The following GPR149 variants were observed in gnomAD, a reference collection of about 807,000 sequenced individuals.
GPR149 encodes G protein-coupled receptor 149, also known as probable G protein-coupled receptor 149.
GPR149 carries 50 observed loss-of-function variants against 50.2 expected under a neutral mutation model. The ratio of observed to expected loss-of-function variants is 1.00; its 90% CI spans 0.79 to 1.26. The LOEUF (loss-of-function observed/expected upper bound fraction) is 1.26. Among genes scored for constraint, GPR149 ranks in the 50% most tolerant of loss-of-function variants. The pLI is 0.00. For missense variants in GPR149, 983 were observed against 895.4 expected (o/e 1.10, Z -1.25); for synonymous variants, 405 against 358.2 (o/e 1.13, Z -1.48).
At chr3:154,338,835 C>T (rs980207818) in intron 3 of GPR149, among the ~76,000 whole-genome samples, 5 of 152,010 alleles carry the variant, frequency 3.3e-5, no homozygotes, top group South Asian at 2.1e-4. Flanking sequence ...CTACAAAGAG[C>T]GTACTTTTCC....
rs192136771 is a variant in GPR149 at position 154,422,472 on chromosome 3, T to C, written c.1175-985A>G. Among the ~76,000 whole-genome samples the C allele has an allele frequency of 2.1e-3, 320 of 151,824 alleles. 1 individual carries two copies. The highest frequency in any genetic ancestry group is 7.1e-3 in the African/African-American group (293 of 41,544). On this transcript the variant is annotated intron_variant, in intron 2 of 3. Transcript: ENST00000389740. ...AACATATTTTCTACTTTGATAGCTC[T>C]GTGTTTTATACTGAGACATTTAGCT... is the stretch of plus-strand genomic sequence containing the variant.
At chr3:154,345,330 A>G (rs1559969369) in intron 3 of GPR149, among the ~76,000 whole-genome samples, 1 of 152,196 alleles carries the variant, frequency 6.6e-6, no homozygotes, top group African/African-American at 2.4e-5. Context: ...ATTAGAATAG[A>G]TTGTTTTTAT....
rs183481772 is a variant in GPR149 at position 154,354,173 on chromosome 3, A to G, written c.1624-15902T>C. On this transcript the variant is annotated intron_variant, in intron 3 of 3. Coordinates refer to ENST00000389740, the MANE Select transcript of GPR149 (RefSeq NM_001038705.3). ...GGCCTTGGAAGCATCCAGGTCATCT[A>G]TAACAACATTTTCTCTTGTTTTTGA... is the stretch of plus-strand genomic sequence containing the variant. The G allele has an allele frequency of 1.1e-4, 52 of 494,300 alleles. 3 individuals carry two copies. In the Middle Eastern group the frequency reaches 8.6e-3, roughly 82 times the overall value. 30.6% of individuals were successfully genotyped at this position (494,300 alleles called of 1,614,324 possible).
chr3:154,425,638 C>G (rs866783280), intron 2 of GPR149, among the ~76,000 whole-genome samples: 30 of 152,154 alleles, frequency 2.0e-4, no homozygotes, highest in African/African-American at 6.0e-4. Context: ...AGCCATGCTT[C>G]TTTTTCATAA....
intron 3 of GPR149, among the ~76,000 whole-genome samples, chr3:154,399,377 G>A (rs568416176): frequency 6.6e-6 from 1 of 152,164 alleles, no homozygotes; most frequent in East Asian, 1.9e-4. Flanking sequence ...ACTAGAAAAC[G>A]AATAAATGCT....
intron 3 of GPR149, chr3:154,354,919 C>G (rs1314592272): frequency 5.1e-6 from 1 of 196,312 alleles, no homozygotes; most frequent in African/African-American, 2.4e-5. Flanking sequence ...AATGATGAAT[C>G]ATTCTGATGA....
chr3:154,360,505 G>A (rs960390552), intron 3 of GPR149, among the ~76,000 whole-genome samples: 2 of 152,310 alleles, frequency 1.3e-5, no homozygotes, highest in South Asian at 4.1e-4. Context: ...TTACAGATGA[G>A]AACATTGAGA....
Position 154,336,582 on chromosome 3 carries a change from A to G in GPR149, c.*1117T>C, listed in dbSNP as rs964506342. 1.3e-5 allele frequency: 2 copies of G among 152,060 alleles called. No homozygotes were observed. The highest frequency in any genetic ancestry group is 2.9e-5 in the Non-Finnish European group (2 of 67,914). 9.4% of individuals were successfully genotyped at this position (152,060 alleles called of 1,614,324 possible). A position where few individuals can be genotyped will look rare whatever the true frequency, so the allele number is the denominator to read the frequency against. ...ATTATTCTGCCAAGGTGATTCCTGC[A>G]TTTTTGCAATGTAATGCATTCTAGA... On this transcript the variant is annotated 3_prime_UTR_variant, in exon 4 of 4. Transcript: ENST00000389740.
intron 3 of GPR149, among the ~76,000 whole-genome samples, chr3:154,394,680 C>T (rs1715250077): frequency 6.6e-6 from 1 of 152,016 alleles, no homozygotes; most frequent in Non-Finnish European, 1.5e-5. Flanking sequence ...GGTTAATTTT[C>T]AGAATATATA....
chr3:154,421,389 T>C lies in GPR149; in HGVS notation c.1273A>G (p.Ile425Val), dbSNP rs1467345844. 1 of 1,612,496 alleles carries C rather than the reference T, an allele frequency of 6.2e-7. No homozygotes were observed. Among genetic ancestry groups the C allele is most frequent in the Non-Finnish European group, 8.5e-7 (1 of 1,178,892 alleles). The change falls in exon 3 of 4, where the codon ATA (isoleucine) becomes GTA (valine). Residue 425 changes from isoleucine (I) to valine (V), a missense_variant. Transcript: ENST00000389740. The stretch of plus-strand genomic sequence containing the variant: ...GAGTTCATCAGGTTGTGATAGAATA[T>C]GGAATTTTCATCATCATCATAGTAA... The part of the protein sequence containing the change: ...EDYYDDDENS[I>V]FYHNLMNSEC...
At chr3:154,366,957 T>G (rs1448458081) in intron 3 of GPR149, among the ~76,000 whole-genome samples, 1 of 152,194 alleles carries the variant, frequency 6.6e-6, no homozygotes, top group Non-Finnish European at 1.5e-5. Context: ...TCAACAAATT[T>G]CCATCTTAGT....
chr3:154,411,082 C>A (rs1711819411), intron 3 of GPR149, among the ~76,000 whole-genome samples: 1 of 152,054 alleles, frequency 6.6e-6, no homozygotes, highest in African/African-American at 2.4e-5. Context: ...ATAACCTGCT[C>A]CTGAATGACT....
Position 154,428,732 on chromosome 3 carries a change from G to A in GPR149, c.884C>T (p.Thr295Ile), listed in dbSNP as rs1246567249. Reference sequence around the variant, plus strand: ...GGTGAAGCTCCTGGTGCCATAGAGAGTCCCCCGGTTCTCACGCCTGCAGGC... The same window carrying A: ...GGTGAAGCTCCTGGTGCCATAGAGAATCCCCCGGTTCTCACGCCTGCAGGC... ...AEACRRENRG[T>I]LYGTRSFTVS... Residue 295 changes from threonine (T) to isoleucine (I), a missense_variant, in exon 1 of 4, where the codon ACT (threonine) becomes ATT (isoleucine). Thr to Ile is a moderately conservative substitution (Grantham distance 89). Coordinates refer to ENST00000389740, the MANE Select transcript of GPR149 (RefSeq NM_001038705.3). 1 of 1,613,956 alleles carries A rather than the reference G, an allele frequency of 6.2e-7. No individual in the cohort carries two copies. The highest frequency in any genetic ancestry group is 8.5e-7 in the Non-Finnish European group (1 of 1,180,044).
At chr3:154,390,923 T>C (rs1023641625) in intron 3 of GPR149, among the ~76,000 whole-genome samples, 1 of 152,108 alleles carries the variant, frequency 6.6e-6, no homozygotes, top group Non-Finnish European at 1.5e-5. Flanking sequence ...AAATTCAAAG[T>C]GCTGAAAGAA....
At position 154,337,985 on chromosome 3, in the gene GPR149, A is replaced by T; in HGVS notation, c.1910T>A (p.Ile637Asn). 1 of 1,614,158 alleles carries T rather than the reference A, an allele frequency of 6.2e-7. No homozygotes were observed. Among genetic ancestry groups the T allele is most frequent in the Non-Finnish European group, 8.5e-7 (1 of 1,180,014 alleles). ...TGTGGAGGACTGACTGATGTTACTA[A>T]TGATTGACACAGTGTCCAAGGCCTC... ...NEEALDTVSI[I>N]SNISQSSTQV... Residue 637 changes from isoleucine (I) to asparagine (N), a missense_variant, in exon 4 of 4, where the codon ATT (isoleucine) becomes AAT (asparagine). Coordinates refer to ENST00000389740, the MANE Select transcript of GPR149 (RefSeq NM_001038705.3).
At chr3:154,357,978 A>G (rs934167638) in intron 3 of GPR149, among the ~76,000 whole-genome samples, 1 of 152,230 alleles carries the variant, frequency 6.6e-6, no homozygotes. Context: ...TGATGAGTTC[A>G]TGTCCTTTGT....
chr3:154,361,970 GC>G (rs1438082403), intron 3 of GPR149, among the ~76,000 whole-genome samples: 3 of 152,084 alleles, frequency 2.0e-5, no homozygotes, highest in Non-Finnish European at 4.4e-5. Flanking sequence ...AGAATTGGAA[GC>G]CAAAATTTAT....
Position 154,338,128 on chromosome 3 carries a change from T to C in GPR149, c.1767A>G (p.Ile589Met). ...CAACACTTTTGGATCGATAGACTTC[T>C]ATTTTCTTAGAGGCTGGAGTTATTT... ...GQKITPASKKIEVYRSKSVGH... is the reference protein window; with the variant it reads ...GQKITPASKKMEVYRSKSVGH... Residue 589 changes from isoleucine (I) to methionine (M), a missense_variant, in exon 4 of 4, where the codon ATA becomes ATG. Transcript: ENST00000389740. 2 of 1,614,216 alleles carry C rather than the reference T, an allele frequency of 1.2e-6. No individual in the cohort carries two copies. Among genetic ancestry groups the C allele is most frequent in the Non-Finnish European group, 1.7e-6 (2 of 1,180,028 alleles).
intron 3 of GPR149, among the ~76,000 whole-genome samples, chr3:154,365,245 G>A (rs1272839143): frequency 6.6e-6 from 1 of 152,152 alleles, no homozygotes; most frequent in African/African-American, 2.4e-5. Flanking sequence ...GAGACTTGAG[G>A]TGACCCTGGG....
Sources: gnomAD v4.1 joint callset for allele counts (sites outside exome capture counted in the v4.1 genomes callset) on GRCh38, gnomAD v4.1.1 for gene constraint, MANE v1.5 for transcripts, NCBI Gene and HGNC (gene_info 2026-07-23, HGNC 2026-07-21) for gene names.